Variants in MTHFD2L observed in about 807,000 individuals in gnomAD.
The protein encoded by MTHFD2L is methylenetetrahydrofolate dehydrogenase (NADP+ dependent) 2 like, also known as bifunctional methylenetetrahydrofolate dehydrogenase/cyclohydrolase 2, mitochondrial.
Under a neutral mutation model 34.9 loss-of-function variants are expected in MTHFD2L, and 29 were observed. That is an observed-to-expected ratio of 0.83 (90% CI 0.62 to 1.13). MTHFD2L has a LOEUF of 1.13. Ranked by LOEUF, MTHFD2L falls within the 50% of genes most tolerant of loss-of-function variation. The pLI, the probability that MTHFD2L is intolerant of heterozygous loss-of-function variation, is 0.00. For missense variants in MTHFD2L, 481 were observed against 446.5 expected (o/e 1.08, Z -0.70); for synonymous variants, 167 against 155.7 (o/e 1.07, Z -0.54).
chr4:74,179,224 C>T (rs1028131238), intron 3 of MTHFD2L, among the ~76,000 whole-genome samples: 1 of 152,064 alleles, frequency 6.6e-6, no homozygotes, highest in Non-Finnish European at 1.5e-5. Context: ...GTTTTACTGT[C>T]TCTCAGAACA....
upstream of MTHFD2L, among the ~76,000 whole-genome samples, chr4:74,153,354 A>ACTACAAATAATTACATGGACG (rs1724058812): frequency 6.6e-6 from 1 of 152,246 alleles, no homozygotes; most frequent in Admixed American, 6.5e-5. Context: ...TGTCATGGAC[A>ACTACAAATAATTACATGGACG]CTACAAATAA....
chr4:74,293,617 C>G, intron 7 of MTHFD2L: 1 of 663,664 alleles, frequency 1.5e-6, no homozygotes, highest in Non-Finnish European at 1.9e-6. Flanking sequence ...GGTTGCCTTC[C>G]AAGTTCAATG....
chr4:74,131,565 C>T (rs1033607447), intron 1 of MTHFD2L, among the ~76,000 whole-genome samples: 2 of 152,128 alleles, frequency 1.3e-5, no homozygotes, highest in Admixed American at 6.5e-5. Context: ...TTCCTCACAC[C>T]TTAAACAAAA....
At chr4:74,218,967 A>G (rs1274002255) in intron 5 of MTHFD2L, among the ~76,000 whole-genome samples, 1 of 152,046 alleles carries the variant, frequency 6.6e-6, no homozygotes, top group Non-Finnish European at 1.5e-5. Flanking sequence ...TATTAGAAAA[A>G]ATATAAATAA....
chr4:74,231,392 C>T (rs1740034352), intron 6 of MTHFD2L, among the ~76,000 whole-genome samples: 2 of 152,148 alleles, frequency 1.3e-5, no homozygotes, highest in South Asian at 4.1e-4. Context: ...ATAGCTCCAC[C>T]ATCCCCACAG....
chr4:74,202,003 C>T (rs896309797), intron 5 of MTHFD2L, among the ~76,000 whole-genome samples: 7 of 152,118 alleles, frequency 4.6e-5, no homozygotes, highest in Non-Finnish European at 1.0e-4. Context: ...GGGGTCTGTC[C>T]CACAGACCCT....
intron 3 of MTHFD2L, chr4:74,180,562 A>G (rs893210699): frequency 1.5e-4 from 31 of 202,088 alleles, no homozygotes; most frequent in African/African-American, 7.0e-4. Context: ...TTGCATAAGA[A>G]TTAAACAGAA....
At chr4:74,225,034 G>T (rs991494354) in intron 5 of MTHFD2L, among the ~76,000 whole-genome samples, 2 of 152,038 alleles carry the variant, frequency 1.3e-5, no homozygotes, top group African/African-American at 4.8e-5. Context: ...TTCAAATTCT[G>T]TATTTCAGGG....
At chr4:74,124,482 T>G (rs1560399400), upstream of MTHFD2L, among the ~76,000 whole-genome samples, 1 of 151,086 alleles carries the variant, frequency 6.6e-6, no homozygotes, top group African/African-American at 2.4e-5. Flanking sequence ...TTTTATGTAT[T>G]TATATATTTA....
At chr4:74,196,741 T>C (rs1733544589) in intron 3 of MTHFD2L, among the ~76,000 whole-genome samples, 1 of 151,506 alleles carries the variant, frequency 6.6e-6, no homozygotes, top group Non-Finnish European at 1.5e-5. Flanking sequence ...AGGTCAGGAG[T>C]TTGAGACCAG....
At chr4:74,170,029 A>G (rs1387029556) in intron 1 of MTHFD2L, among the ~76,000 whole-genome samples, 1 of 152,194 alleles carries the variant, frequency 6.6e-6, no homozygotes, top group Non-Finnish European at 1.5e-5. Flanking sequence ...AGATAGCTTC[A>G]TGGGTGAATC....
At chr4:74,171,260 T>A (rs1382732076) in intron 1 of MTHFD2L, among the ~76,000 whole-genome samples, 1 of 152,114 alleles carries the variant, frequency 6.6e-6, no homozygotes, top group East Asian at 1.9e-4. Flanking sequence ...AACATCAGTA[T>A]TCGTTAAGGG....
At chr4:74,230,055 A>G (rs2110135638) in intron 6 of MTHFD2L, among the ~76,000 whole-genome samples, 1 of 152,314 alleles carries the variant, frequency 6.6e-6, no homozygotes, top group Non-Finnish European at 1.5e-5. Context: ...CTACAATAAG[A>G]ACTTTTTCAA....
intron 6 of MTHFD2L, among the ~76,000 whole-genome samples, chr4:74,263,274 G>C (rs902866231): frequency 2.6e-5 from 4 of 151,802 alleles, no homozygotes; most frequent in African/African-American, 9.7e-5. Context: ...GATGCCTCCA[G>C]TTTTGTTCTT....
chr4:74,268,043 G>A (rs1416984844), intron 6 of MTHFD2L: 1 of 984,918 alleles, frequency 1.0e-6, no homozygotes, highest in Admixed American at 6.2e-5. Context: ...TATCTGTTCA[G>A]ATAGGAACCA....
In MTHFD2L at chr4:74,288,095, C is replaced by T. The variant is rs115302733; in HGVS notation, c.931+6545C>T. Among the ~76,000 whole-genome samples the T allele has an allele frequency of 3.4e-3, 521 of 152,236 alleles. 4 individuals carry two copies. The highest frequency in any genetic ancestry group is 0.012 in the African/African-American group (498 of 41,538). Reference sequence around the variant, plus strand: ...CCTCTTCTTAGAAGGTTGGATTAGACCCTATGCTAATAACCTCATTTTAAC... The same window carrying T: ...CCTCTTCTTAGAAGGTTGGATTAGATCCTATGCTAATAACCTCATTTTAAC... On this transcript the variant is annotated intron_variant, in intron 7 of 7. Transcript: ENST00000325278.
upstream of MTHFD2L, among the ~76,000 whole-genome samples, chr4:74,155,887 G>C (rs939922310): frequency 2.3e-5 from 3 of 132,184 alleles, no homozygotes; most frequent in Non-Finnish European, 3.2e-5. Context: ...TTTTAGTACT[G>C]AAAAAGCCAT....
chr4:74,132,603 A>G (rs1224050772), intron 1 of MTHFD2L, among the ~76,000 whole-genome samples: 6 of 152,096 alleles, frequency 3.9e-5, no homozygotes, highest in African/African-American at 1.2e-4. Context: ...TGGGGCGCTA[A>G]GGGAGGGACA....
At chr4:74,261,811 A>G (rs1432804031) in intron 6 of MTHFD2L, among the ~76,000 whole-genome samples, 2 of 152,010 alleles carry the variant, frequency 1.3e-5, no homozygotes, top group African/African-American at 4.8e-5. Flanking sequence ...TGAGCTTGCT[A>G]CCTAAGTTAT....
Sources: gnomAD v4.1 joint callset for allele counts (sites outside exome capture counted in the v4.1 genomes callset) on GRCh38, gnomAD v4.1.1 for gene constraint, MANE v1.5 for transcripts, NCBI Gene and HGNC (gene_info 2026-07-23, HGNC 2026-07-21) for gene names.